The following MAML3 variants were observed in gnomAD, a reference collection of about 807,000 sequenced individuals.
The protein encoded by MAML3 is mastermind like transcriptional coactivator 3.
Under a neutral mutation model 101.9 loss-of-function variants are expected in MAML3, and 27 were observed. The observed-to-expected ratio is 0.27, with a 90% CI of 0.20 to 0.37. The LOEUF is 0.37. Ranked by LOEUF, MAML3 falls within the 10% of genes least tolerant of loss-of-function variation. The pLI, the probability that MAML3 is intolerant of heterozygous loss-of-function variation, is 1.00. For missense variants in MAML3, 1,316 were observed against 1,444.9 expected (o/e 0.91, Z 1.45); for synonymous variants, 501 against 555.9 (o/e 0.90, Z 1.39).
At chr4:139,826,643 C>T (rs759357480) in intron 2 of MAML3, among the ~76,000 whole-genome samples, 1 of 152,174 alleles carries the variant, frequency 6.6e-6, no homozygotes, top group Non-Finnish European at 1.5e-5. Context: ...TGCGCAGAGG[C>T]TCCCTGAGTG....
intron 1 of MAML3, among the ~76,000 whole-genome samples, chr4:139,939,869 ATTC>A (rs1733568330): frequency 6.6e-6 from 1 of 150,448 alleles, no homozygotes; most frequent in African/African-American, 2.5e-5. Context: ...GATTCAAGCG[ATTC>A]TCCTGCCTCA....
intron 2 of MAML3, among the ~76,000 whole-genome samples, chr4:139,749,700 C>T (rs113463146): frequency 0.021 from 3,181 of 152,298 alleles, 46 homozygotes; most frequent in Non-Finnish European, 0.032. Flanking sequence ...TTCACAGACC[C>T]GCGGTGGCAG....
chr4:140,153,364 T>A lies in MAML3; in HGVS notation c.-37A>T, dbSNP rs768524362. 3.6e-5 allele frequency: 55 copies of A among 1,528,840 alleles called. No homozygotes were observed. In the Admixed American group the frequency reaches 1.1e-3, roughly 31 times the overall value. The allele number at this position is 1,528,840 out of a possible 1,614,324, so 94.7% of individuals were successfully genotyped here. ...GGCACACTATTTTGGAAGAACTTTT[T>A]TTATCCACCCCCCTATCAGCCTCCT... is the stretch of plus-strand genomic sequence containing the variant. On this transcript the variant is annotated 5_prime_UTR_variant, in exon 1 of 5. Transcript: ENST00000509479.
intron 1 of MAML3, among the ~76,000 whole-genome samples, chr4:139,992,081 C>T (rs559882125): frequency 1.3e-5 from 2 of 152,286 alleles, no homozygotes; most frequent in Admixed American, 1.3e-4. Context: ...CTTTTCTAGA[C>T]ATTTCACACA....
chr4:139,852,501 T>C (rs543050005), intron 2 of MAML3, among the ~76,000 whole-genome samples: 4 of 147,764 alleles, frequency 2.7e-5, no homozygotes, highest in African/African-American at 1.0e-4. Flanking sequence ...CAACCTCTGC[T>C]TCCCGGGTTC....
intron 1 of MAML3, among the ~76,000 whole-genome samples, chr4:140,062,191 T>G (rs113008989): frequency 9.9e-5 from 15 of 152,190 alleles, no homozygotes; most frequent in African/African-American, 3.6e-4. Flanking sequence ...TTTTAAAAAA[T>G]TATTTTGAGT....
intron 2 of MAML3, among the ~76,000 whole-genome samples, chr4:139,808,209 T>C (rs1212931553): frequency 6.6e-6 from 1 of 152,264 alleles, no homozygotes; most frequent in Non-Finnish European, 1.5e-5. Context: ...CATCATTCAT[T>C]CATCCATCTA....
intron 2 of MAML3, among the ~76,000 whole-genome samples, chr4:139,757,824 T>G (rs564890195): frequency 6.6e-6 from 1 of 152,056 alleles, no homozygotes; most frequent in South Asian, 2.1e-4. Context: ...CTGCCTCCAG[T>G]CCCCCTACCT....
intron 2 of MAML3, among the ~76,000 whole-genome samples, chr4:139,733,232 T>G (rs1348123633): frequency 2.0e-5 from 3 of 152,240 alleles, no homozygotes; most frequent in Admixed American, 2.0e-4. Context: ...TCTCAGTATA[T>G]TTGATACTTT....
chr4:139,778,584 A>G (rs1730135354), intron 2 of MAML3, among the ~76,000 whole-genome samples: 1 of 152,224 alleles, frequency 6.6e-6, no homozygotes, highest in South Asian at 2.1e-4. Flanking sequence ...TTCTTCATAA[A>G]GAATCGTTAG....
chr4:140,074,189 GAGAAAGAA>G (rs201107607), intron 1 of MAML3, among the ~76,000 whole-genome samples: 9 of 117,604 alleles, frequency 7.7e-5, no homozygotes, highest in Non-Finnish European at 1.3e-4. Context: ...GAGAGAGAGA[GAGAAAGAA>G]AGAGAAAGAA....
intron 1 of MAML3, among the ~76,000 whole-genome samples, chr4:140,103,358 C>G (rs542336866): frequency 6.6e-6 from 1 of 152,170 alleles, no homozygotes; most frequent in Non-Finnish European, 1.5e-5. Flanking sequence ...TTATAAAGCA[C>G]AAGCTTTCAA....
rs56928318 is a variant in MAML3 at position 139,864,923 on chromosome 4, C to CTTGTTTTTTTTTTTT, written c.2079+24433_2079+24434insAAAAAAAAAAAACAA. Reference sequence around the variant, plus strand: ...TTAGGAAAATAGTAATGCAAACTTGCTTTTTTTTTTTTTTTTTTTTTTTTT... The same window carrying CTTGTTTTTTTTTTTT: ...TTAGGAAAATAGTAATGCAAACTTGCTTGTTTTTTTTTTTTTTTTTTTTTTTTTTTTTTTTTTTTT... On this transcript the variant is annotated intron_variant, in intron 2 of 4. Transcript: ENST00000509479. Among the ~76,000 whole-genome samples, 6 of 62,456 alleles carry CTTGTTTTTTTTTTTT rather than the reference C, an allele frequency of 9.6e-5. 2 individuals are homozygous for CTTGTTTTTTTTTTTT. Among genetic ancestry groups the CTTGTTTTTTTTTTTT allele is most frequent in the African/African-American group, 3.5e-4 (6 of 17,052 alleles). 41.0% of individuals were successfully genotyped at this position (62,456 alleles called of 152,430 possible).
chr4:139,956,371 A>G (rs1268034978), intron 1 of MAML3, among the ~76,000 whole-genome samples: 1 of 152,228 alleles, frequency 6.6e-6, no homozygotes, highest in East Asian at 1.9e-4. Flanking sequence ...CATCGTTCTT[A>G]AAAAGTCGAG....
chr4:140,128,354 TG>T, intron 1 of MAML3, among the ~76,000 whole-genome samples: 1 of 152,286 alleles, frequency 6.6e-6, no homozygotes, highest in Middle Eastern at 3.4e-3. Flanking sequence ...AGAAGAACCA[TG>T]TGCTGAGGAA....
chr4:140,147,316 A>G (rs1449077620), intron 1 of MAML3, among the ~76,000 whole-genome samples: 1 of 152,106 alleles, frequency 6.6e-6, no homozygotes, highest in African/African-American at 2.4e-5. Context: ...GAAATTAGAA[A>G]CTCAGTCTTT....
chr4:139,860,016 T>C (rs1265439526), intron 2 of MAML3, among the ~76,000 whole-genome samples: 3 of 152,024 alleles, frequency 2.0e-5, no homozygotes, highest in African/African-American at 4.8e-5. Flanking sequence ...GAGCCTCGAG[T>C]ACCCGGGGGC....
intron 2 of MAML3, among the ~76,000 whole-genome samples, chr4:139,811,058 T>C (rs1173417618): frequency 6.6e-6 from 1 of 152,198 alleles, no homozygotes; most frequent in African/African-American, 2.4e-5. Flanking sequence ...AAGCCATGCA[T>C]TGGGTAGGAA....
intron 1 of MAML3, among the ~76,000 whole-genome samples, chr4:140,106,548 T>A (rs944986877): frequency 6.6e-6 from 1 of 152,238 alleles, no homozygotes; most frequent in Non-Finnish European, 1.5e-5. Flanking sequence ...AACTCTGCTT[T>A]CTTATTTAAA....
Sources: gnomAD v4.1 joint callset for allele counts (sites outside exome capture counted in the v4.1 genomes callset) on GRCh38, gnomAD v4.1.1 for gene constraint, MANE v1.5 for transcripts, NCBI Gene and HGNC (gene_info 2026-07-23, HGNC 2026-07-21) for gene names.